Variants in CNKSR2 observed in about 807,000 individuals in gnomAD.
CNKSR2 encodes CNK homolog protein 2.
A neutral mutation model predicts 84.4 loss-of-function variants in CNKSR2; 14 were observed. The observed-to-expected ratio is 0.17, with a 90% CI of 0.11 to 0.26. The LOEUF (loss-of-function observed/expected upper bound fraction) is 0.26. Ranked by LOEUF, CNKSR2 falls within the 10% of genes least tolerant of loss-of-function variation. CNKSR2 has a pLI of 1.00. For synonymous variants in CNKSR2, 275 were observed against 277.9 expected (o/e 0.99, Z 0.10); for missense variants, 485 against 771.2 (o/e 0.63, Z 4.40).
intron 1 of CNKSR2, among the ~76,000 whole-genome samples, chrX:21,389,906 T>G (rs1476520050): frequency 8.9e-6 from 1 of 112,853 alleles, no homozygotes; most frequent in Non-Finnish European, 1.9e-5. Flanking sequence ...AAATTTAATC[T>G]TTTATTTGAT....
At chrX:21,632,148 A>T (rs1459377503) in intron 20 of CNKSR2, among the ~76,000 whole-genome samples, 1 of 111,789 alleles carries the variant, frequency 8.9e-6, no homozygotes, top group Non-Finnish European at 1.9e-5. Context: ...CACCCTTCTT[A>T]GCAGGTTGCC....
intron 14 of CNKSR2, 87 bp from the exon 15 acceptor site, chrX:21,590,935 A>G (rs929189971): frequency 1.2e-6 from 1 of 820,601 alleles, no homozygotes; most frequent in Non-Finnish European, 1.7e-6. Flanking sequence ...AAGATTTTCA[A>G]GAACTCATAC....
chrX:21,544,789 G>A (rs1209423563), intron 11 of CNKSR2, among the ~76,000 whole-genome samples: 2 of 110,999 alleles, frequency 1.8e-5, no homozygotes, highest in African/African-American at 3.3e-5. Context: ...ACAAGGGGTC[G>A]GGGACCTCCC....
chrX:21,613,799 G>C (rs763895168), intron 20 of CNKSR2, among the ~76,000 whole-genome samples: 1 of 110,504 alleles, frequency 9.0e-6, no homozygotes, highest in African/African-American at 3.3e-5. Flanking sequence ...AATTAGCCAG[G>C]CGTGGTGGCA....
intron 11 of CNKSR2, among the ~76,000 whole-genome samples, chrX:21,543,805 C>CT (rs376800791): frequency 3.6e-5 from 4 of 111,050 alleles, no homozygotes; most frequent in African/African-American, 9.8e-5. Flanking sequence ...TAGAAGAGTT[C>CT]TTTTTTTTCT....
chrX:21,541,714 C>A (rs758536212), intron 11 of CNKSR2, among the ~76,000 whole-genome samples: 22 of 111,496 alleles, frequency 2.0e-4, no homozygotes, highest in South Asian at 1.5e-3. Flanking sequence ...CATTTAAAAG[C>A]ATTAATCTAT....
chrX:21,505,088 T>C (rs1454050598), intron 8 of CNKSR2: 5 of 210,223 alleles, frequency 2.4e-5, no homozygotes, highest in Non-Finnish European at 4.3e-5. Context: ...CTTATAGTTA[T>C]TAAAATTATT....
intron 1 of CNKSR2, among the ~76,000 whole-genome samples, chrX:21,420,614 G>A (rs1397815560): frequency 9.0e-6 from 1 of 110,669 alleles, no homozygotes; most frequent in Non-Finnish European, 1.9e-5. Flanking sequence ...TCTTCAGTTA[G>A]CTGGTGATGA....
intron 17 of CNKSR2, among the ~76,000 whole-genome samples, chrX:21,598,261 T>A (rs1198514419): frequency 1.8e-5 from 2 of 111,241 alleles, no homozygotes. Flanking sequence ...AAATAAAACA[T>A]CATAGTACTC....
chrX:21,523,555 T>C (rs1466447429), intron 9 of CNKSR2, among the ~76,000 whole-genome samples: 2 of 111,049 alleles, frequency 1.8e-5, no homozygotes, highest in Non-Finnish European at 3.8e-5. Context: ...TGATTATAAG[T>C]AAATGTTGCC....
intron 11 of CNKSR2, among the ~76,000 whole-genome samples, chrX:21,534,295 G>GAT (rs541278682): frequency 0.027 from 2,968 of 108,673 alleles, 47 homozygotes; most frequent in Non-Finnish European, 0.041. Flanking sequence ...GTAATATTCT[G>GAT]ATATATATAT....
At chrX:21,626,323 G>A (rs2092623710) in intron 20 of CNKSR2, among the ~76,000 whole-genome samples, 1 of 109,579 alleles carries the variant, frequency 9.1e-6, no homozygotes, top group African/African-American at 3.3e-5. Context: ...GAGAAATATG[G>A]TATTTAGTGT....
At chrX:21,468,750 T>G (rs1244295992) in intron 4 of CNKSR2, 1 of 111,580 alleles carries the variant, frequency 9.0e-6, no homozygotes, top group African/African-American at 3.3e-5. Flanking sequence ...CATATGTACA[T>G]AGATAATACT....
At chrX:21,648,418 TGATAAGG>T (rs1016141320) in intron 20 of CNKSR2, among the ~76,000 whole-genome samples, 3 of 111,987 alleles carry the variant, frequency 2.7e-5, no homozygotes, top group African/African-American at 9.7e-5. Flanking sequence ...ATCAGCATAA[TGATAAGG>T]GATGTTTATT....
chrX:21,415,651 G>C (rs2090407105), intron 1 of CNKSR2, among the ~76,000 whole-genome samples: 1 of 58,113 alleles, frequency 1.7e-5, no homozygotes, highest in Non-Finnish European at 2.9e-5. Context: ...TGGGGGGAGG[G>C]GGGAGGGATA....
intron 4 of CNKSR2, among the ~76,000 whole-genome samples, chrX:21,446,728 A>G (rs757433108): frequency 9.9e-5 from 11 of 111,615 alleles, no homozygotes; most frequent in Admixed American, 9.5e-4. Context: ...ATCACCATCA[A>G]TAATATCAGA....
intron 13 of CNKSR2, among the ~76,000 whole-genome samples, chrX:21,564,878 C>T (rs144759000): frequency 1.3e-4 from 14 of 111,051 alleles, no homozygotes; most frequent in African/African-American, 4.3e-4. Context: ...GAATCTGCTC[C>T]GTTAAATGAC....
At chrX:21,633,022 CACAT>C (rs1322160101) in intron 20 of CNKSR2, among the ~76,000 whole-genome samples, 4 of 110,680 alleles carry the variant, frequency 3.6e-5, no homozygotes, top group Non-Finnish European at 5.7e-5. Flanking sequence ...CACACACACA[CACAT>C]ACAGATTAGT....
intron 11 of CNKSR2, among the ~76,000 whole-genome samples, chrX:21,558,626 C>T (rs779851285): frequency 1.2e-4 from 13 of 109,590 alleles, no homozygotes; most frequent in Non-Finnish European, 2.5e-4. Flanking sequence ...GCTAATTATA[C>T]AACCAGACAT....
Sources: allele counts gnomAD v4.1 joint callset (sites outside exome capture counted in the v4.1 genomes callset), GRCh38; gene constraint gnomAD v4.1.1; transcripts MANE v1.5; gene names NCBI Gene and HGNC (gene_info 2026-07-23, HGNC 2026-07-21).